SCHIP1: variants seen among roughly 807,000 people sequenced by gnomAD.
SCHIP1 encodes schwannomin-interacting protein 1.
SCHIP1 carries 8 observed loss-of-function variants against 29.7 expected under a neutral mutation model. The observed-to-expected ratio is 0.27, with a 90% CI of 0.16 to 0.49. The LOEUF (loss-of-function observed/expected upper bound fraction) is 0.49, where lower values mean the gene tolerates loss of function less well. Among genes scored for constraint, SCHIP1 ranks in the 20% least tolerant of loss-of-function variants. SCHIP1 has a pLI of 0.99. For synonymous variants in SCHIP1, 76 were observed against 94.9 expected (o/e 0.80, Z 1.16); for missense variants, 193 against 294.6 (o/e 0.66, Z 2.52).
At chr3:159,401,396 A>G in the SCHIP1 span, 1 of 963,980 alleles carries the variant, frequency 1.0e-6, no homozygotes, top group Non-Finnish European at 1.2e-6. Context: ...TATTTGTTGA[A>G]TTAAATAATT....
chr3:159,545,588 C>CTG, the SCHIP1 span, among the ~76,000 whole-genome samples: 27,150 of 146,850 alleles, frequency 0.18, 2,619 homozygotes, highest in South Asian at 0.35. Context: ...ATATATATGT[C>CTG]TGTGTGTGTG....
intron 1 of SCHIP1, chr3:159,845,381 T>TG (rs1450218954): frequency 6.9e-6 from 1 of 144,076 alleles, no homozygotes; most frequent in Non-Finnish European, 1.5e-5. Context: ...ACAAGCTTCT[T>TG]CTTTTTTTTT....
At chr3:159,732,048 G>A in the SCHIP1 span, among the ~76,000 whole-genome samples, 2 of 152,240 alleles carry the variant, frequency 1.3e-5, no homozygotes, top group African/African-American at 4.8e-5. Context: ...GTTTCACCAT[G>A]TTGGCCAGGC....
At chr3:159,621,430 C>T in the SCHIP1 span, among the ~76,000 whole-genome samples, 1 of 152,196 alleles carries the variant, frequency 6.6e-6, no homozygotes, top group African/African-American at 2.4e-5. Flanking sequence ...AGTTTTTAAT[C>T]TTTGCAATTC....
At chr3:159,858,547 T>G (rs899675080) in intron 1 of SCHIP1, among the ~76,000 whole-genome samples, 4 of 152,194 alleles carry the variant, frequency 2.6e-5, no homozygotes, top group African/African-American at 4.8e-5. Flanking sequence ...CCCTGTAGCA[T>G]AAGAAGGAAT....
At chr3:159,381,700 A>T in the SCHIP1 span, among the ~76,000 whole-genome samples, 1 of 151,312 alleles carries the variant, frequency 6.6e-6, no homozygotes, top group African/African-American at 2.4e-5. Context: ...GGTTCGAGAG[A>T]TTCTTGTGCC....
chr3:159,677,878 C>A, the SCHIP1 span, among the ~76,000 whole-genome samples: 1 of 152,170 alleles, frequency 6.6e-6, no homozygotes, highest in African/African-American at 2.4e-5. Context: ...CTCTGTCACC[C>A]AGGCTGGGGT....
At chr3:159,503,378 T>A in the SCHIP1 span, among the ~76,000 whole-genome samples, 38 of 152,372 alleles carry the variant, frequency 2.5e-4, no homozygotes, top group South Asian at 7.2e-3. Flanking sequence ...TCACTCTTAC[T>A]ACACATGGTA....
At chr3:159,340,382 A>C in the SCHIP1 span, among the ~76,000 whole-genome samples, 1 of 152,050 alleles carries the variant, frequency 6.6e-6, no homozygotes, top group African/African-American at 2.4e-5. Flanking sequence ...ATCAAAATTC[A>C]ATTTATATTG....
chr3:159,437,500 T>C, the SCHIP1 span, among the ~76,000 whole-genome samples: 3 of 152,170 alleles, frequency 2.0e-5, no homozygotes, highest in Admixed American at 6.6e-5. Flanking sequence ...AGGTCTTTAG[T>C]GTCAGGAACT....
chr3:159,313,000 T>C, the SCHIP1 span, among the ~76,000 whole-genome samples: 1 of 152,240 alleles, frequency 6.6e-6, no homozygotes, highest in Non-Finnish European at 1.5e-5. Context: ...TTTTTTGCTA[T>C]TATTCATCTT....
At chr3:159,878,777 CA>C (rs889506449) in intron 2 of SCHIP1, among the ~76,000 whole-genome samples, 9 of 106,474 alleles carry the variant, frequency 8.5e-5, no homozygotes, top group South Asian at 5.5e-4. Flanking sequence ...GACTCCGTCT[CA>C]AAAAAAAAAT....
At chr3:159,546,443 G>A in the SCHIP1 span, among the ~76,000 whole-genome samples, 1 of 152,034 alleles carries the variant, frequency 6.6e-6, no homozygotes, top group Non-Finnish European at 1.5e-5. Context: ...AAGGATACAT[G>A]TACAGAACAT....
chr3:159,285,748 A>C, the SCHIP1 span, among the ~76,000 whole-genome samples: 3 of 152,148 alleles, frequency 2.0e-5, no homozygotes, highest in African/African-American at 7.2e-5. Context: ...TTTCATGTTA[A>C]TTTATCCTTC....
the SCHIP1 span, among the ~76,000 whole-genome samples, chr3:159,317,671 A>G: frequency 6.6e-6 from 1 of 152,244 alleles, no homozygotes; most frequent in African/African-American, 2.4e-5. Flanking sequence ...GATGGGGAAC[A>G]TGGTAAAACC....
At chr3:159,595,290 C>A in the SCHIP1 span, among the ~76,000 whole-genome samples, 2 of 152,020 alleles carry the variant, frequency 1.3e-5, no homozygotes, top group African/African-American at 4.8e-5. Context: ...GCAGGAGGGC[C>A]TATTTAACTG....
At chr3:159,743,815 G>A in the SCHIP1 span, among the ~76,000 whole-genome samples, 1 of 152,122 alleles carries the variant, frequency 6.6e-6, no homozygotes, top group African/African-American at 2.4e-5. Context: ...GTTACCATTG[G>A]TAGGAAAATG....
At chr3:159,471,137 C>T in the SCHIP1 span, among the ~76,000 whole-genome samples, 1 of 152,184 alleles carries the variant, frequency 6.6e-6, no homozygotes, top group South Asian at 2.1e-4. Flanking sequence ...AACACACACA[C>T]ACCCCTAAAA....
the SCHIP1 span, among the ~76,000 whole-genome samples, chr3:159,717,888 G>A: frequency 1.1e-4 from 16 of 152,176 alleles, no homozygotes; most frequent in Non-Finnish European, 8.8e-5. Context: ...TATGAGGCCA[G>A]CATCATCCTG....
Sources: allele counts gnomAD v4.1 joint callset (sites outside exome capture counted in the v4.1 genomes callset), GRCh38; gene constraint gnomAD v4.1.1; transcripts MANE v1.5; gene names NCBI Gene and HGNC (gene_info 2026-07-23, HGNC 2026-07-21).